Variants in UBE2R2 observed in about 807,000 individuals in gnomAD.
UBE2R2 encodes the protein ubiquitin conjugating enzyme E2 R2.
Under a neutral mutation model 27.8 loss-of-function variants are expected in UBE2R2, and 1 was observed. That is an observed-to-expected ratio of 0.04 (90% CI 0.01 to 0.17). The LOEUF is 0.17. Ranked by LOEUF, UBE2R2 falls within the 10% of genes least tolerant of loss-of-function variation. UBE2R2 has a pLI of 1.00. For missense variants in UBE2R2, 100 were observed against 291.0 expected, an observed-to-expected ratio of 0.34 and a Z score of 4.78; for synonymous variants, 106 against 113.3, an observed-to-expected ratio of 0.94 and a Z score of 0.41.
chr9:33,906,535 C>T (rs1052398812), intron 3 of UBE2R2, among the ~76,000 whole-genome samples: 1 of 152,074 alleles, frequency 6.6e-6, no homozygotes, highest in African/African-American at 2.4e-5. Flanking sequence ...AGTCTGTAAT[C>T]CTTCAAAATT....
At chr9:33,825,492 C>T (rs2790737) in intron 1 of UBE2R2, among the ~76,000 whole-genome samples, 4,697 of 152,132 alleles carry the variant, frequency 0.031, 157 homozygotes, top group East Asian at 0.089. Context: ...CCACCCACCT[C>T]GGCCTCCCAA....
chr9:33,863,615 G>A (rs1033997475), intron 1 of UBE2R2, among the ~76,000 whole-genome samples: 1 of 152,076 alleles, frequency 6.6e-6, no homozygotes, highest in Admixed American at 6.6e-5. Context: ...GTATGTTTTG[G>A]AATTATTATC....
chr9:33,831,498 C>T (rs1820480141), intron 1 of UBE2R2, among the ~76,000 whole-genome samples: 1 of 151,850 alleles, frequency 6.6e-6, no homozygotes, highest in Non-Finnish European at 1.5e-5. Context: ...CTCACTGCAA[C>T]CTCCACCTCC....
At chr9:33,911,446 T>C (rs888581883) in intron 3 of UBE2R2, among the ~76,000 whole-genome samples, 1 of 129,566 alleles carries the variant, frequency 7.7e-6, no homozygotes, top group Non-Finnish European at 1.6e-5. Flanking sequence ...CCTGGTTATA[T>C]AGAATAGCAT....
chr9:33,911,053 G>A (rs1822471715), intron 3 of UBE2R2, among the ~76,000 whole-genome samples: 1 of 151,892 alleles, frequency 6.6e-6, no homozygotes. Context: ...ACAGTGAGCT[G>A]AGATGGCACC....
intron 4 of UBE2R2, among the ~76,000 whole-genome samples, chr9:33,916,676 C>T (rs1012109744): frequency 6.6e-6 from 1 of 152,238 alleles, no homozygotes; most frequent in Non-Finnish European, 1.5e-5. Flanking sequence ...CCCACTAAGT[C>T]AATACCTGTT....
At chr9:33,837,078 C>T (rs1270775236) in intron 1 of UBE2R2, among the ~76,000 whole-genome samples, 1 of 152,114 alleles carries the variant, frequency 6.6e-6, no homozygotes, top group Admixed American at 6.6e-5. Context: ...TCATGTTTTT[C>T]AGCATTGGGA....
chr9:33,841,646 A>G (rs577859308), intron 1 of UBE2R2, among the ~76,000 whole-genome samples: 1 of 152,260 alleles, frequency 6.6e-6, no homozygotes, highest in East Asian at 1.9e-4. Context: ...TATGGGTGAT[A>G]TATATGTATA....
At chr9:33,910,070 T>C (rs181346819) in intron 3 of UBE2R2, among the ~76,000 whole-genome samples, 1 of 152,284 alleles carries the variant, frequency 6.6e-6, no homozygotes, top group Non-Finnish European at 1.5e-5. Context: ...TCCCATTTTC[T>C]CCTAATGCAC....
intron 1 of UBE2R2, among the ~76,000 whole-genome samples, chr9:33,846,257 C>T (rs1357244115): frequency 1.3e-5 from 2 of 152,144 alleles, no homozygotes; most frequent in Non-Finnish European, 2.9e-5. Flanking sequence ...GATTGCACCA[C>T]TGCACTCTAG....
chr9:33,881,831 C>T (rs868218220), intron 1 of UBE2R2, among the ~76,000 whole-genome samples: 6 of 152,104 alleles, frequency 3.9e-5, no homozygotes, highest in South Asian at 2.1e-4. Flanking sequence ...GATTTCTCTA[C>T]GGTAGAGCTA....
upstream of UBE2R2, among the ~76,000 whole-genome samples, chr9:33,816,807 C>G (rs1016554577): frequency 3.3e-5 from 5 of 152,244 alleles, no homozygotes; most frequent in Non-Finnish European, 5.9e-5. Flanking sequence ...GCCCCGAGAG[C>G]CGGGAGACCT....
chr9:33,834,224 A>T (rs1266452503), intron 1 of UBE2R2, among the ~76,000 whole-genome samples: 1 of 144,676 alleles, frequency 6.9e-6, no homozygotes, highest in East Asian at 2.0e-4. Context: ...TTTTGGAGAC[A>T]GAGTCTCGCT....
rs146734879 is a variant in UBE2R2, at chr9:33,849,413, A to G, written c.177+31479A>G. On this transcript the variant is annotated intron_variant, in intron 1 of 4. Coordinates refer to ENST00000263228, the MANE Select transcript of UBE2R2 (RefSeq NM_017811.4). The stretch of plus-strand genomic sequence containing the variant: ...GAATATTTAAAGAAATATCTGTTAT[A>G]TATAGGTATATATAAAGAGATATGT... Among the ~76,000 whole-genome samples, 5 of 152,306 alleles carry G rather than the reference A, an allele frequency of 3.3e-5. No individual in the cohort carries two copies. In the East Asian group the frequency reaches 9.6e-4, roughly 29 times the overall value.
intron 1 of UBE2R2, among the ~76,000 whole-genome samples, chr9:33,839,600 A>C (rs1820688317): frequency 6.6e-6 from 1 of 152,144 alleles, no homozygotes. Flanking sequence ...ACTACTTGAG[A>C]ATGCAGCAAG....
intron 1 of UBE2R2, among the ~76,000 whole-genome samples, chr9:33,857,795 G>A (rs1018295975): frequency 6.6e-6 from 1 of 152,206 alleles, no homozygotes; most frequent in Non-Finnish European, 1.5e-5. Flanking sequence ...GAAATTGACA[G>A]ATTGTTGAAC....
intron 1 of UBE2R2, among the ~76,000 whole-genome samples, chr9:33,851,423 C>G (rs1337748015): frequency 6.6e-6 from 1 of 152,184 alleles, no homozygotes; most frequent in African/African-American, 2.4e-5. Flanking sequence ...TGGTTCAGAG[C>G]CAAGTATTTG....
chr9:33,878,262 T>C (rs1196324215), intron 1 of UBE2R2, among the ~76,000 whole-genome samples: 1 of 152,192 alleles, frequency 6.6e-6, no homozygotes, highest in Non-Finnish European at 1.5e-5. Flanking sequence ...GATGGCTGTT[T>C]GGACCAGTGG....
chr9:33,841,105 C>T (rs548834897), intron 1 of UBE2R2, among the ~76,000 whole-genome samples: 5 of 150,216 alleles, frequency 3.3e-5, no homozygotes, highest in South Asian at 2.1e-4. Context: ...TTTTTTGAGA[C>T]GAAGTCTTGC....
Sources: allele counts gnomAD v4.1 joint callset (sites outside exome capture counted in the v4.1 genomes callset), GRCh38; gene constraint gnomAD v4.1.1; transcripts MANE v1.5; gene names NCBI Gene and HGNC (gene_info 2026-07-23, HGNC 2026-07-21).